The following HM13 variants were observed in gnomAD, a reference collection of about 807,000 sequenced individuals.
The protein encoded by HM13 is histocompatibility minor 13, also known as signal peptide peptidase.
Under a neutral mutation model 50.0 loss-of-function variants are expected in HM13, and 18 were observed. The ratio of observed to expected loss-of-function variants is 0.36; its 90% CI spans 0.25 to 0.53. HM13 has a LOEUF of 0.53. Among genes scored for constraint, HM13 ranks in the 20% least tolerant of loss-of-function variants. The probability of loss-of-function intolerance (pLI) is 0.90; values close to 1 mark genes in which losing one functional copy is unlikely to be tolerated. For missense variants in HM13, 393 were observed against 552.4 expected (o/e 0.71, Z 2.89); for synonymous variants, 197 against 232.6 (o/e 0.85, Z 1.39).
In HM13 at chr20:31,549,045, A is replaced by T. The variant is rs1568792894; in HGVS notation, c.471A>T (p.Glu157Asp). Residue 157 changes from glutamate to aspartate, a missense_variant, in exon 5 of 13, where the codon GAA (glutamate) becomes GAT (aspartate). Glu to Asp is a conservative substitution (Grantham distance 45). This residue lies in a region of HM13 where 214 missense variants were observed against 276.1 expected (regional missense o/e 0.77). Transcript: ENST00000398174. Reference sequence around the variant, plus strand: ...TCTGCTCAGAGATCATCAATTATGAATTTGACACCAAGGACCTGGTGTGCC... The same window carrying T: ...TCTGCTCAGAGATCATCAATTATGATTTTGACACCAAGGACCTGGTGTGCC... The part of the protein sequence containing the change: ...GENKEEIINY[E>D]FDTKDLVCLG... 1 of 1,614,068 alleles carries T rather than the reference A, an allele frequency of 6.2e-7. No individual in the cohort carries two copies. The highest frequency in any genetic ancestry group is 2.2e-5 in the East Asian group (1 of 44,878).
At chr20:31,566,622 A>G (rs1301632362) in intron 11 of HM13, among the ~76,000 whole-genome samples, 2 of 151,926 alleles carry the variant, frequency 1.3e-5, no homozygotes, top group South Asian at 2.1e-4. Context: ...CCCCCAGGTG[A>G]CTTCAGGCAT....
At chr20:31,540,551 T>A (rs987135342) in intron 3 of HM13, 2 of 152,202 alleles carry the variant, frequency 1.3e-5, no homozygotes, top group African/African-American at 4.8e-5. Flanking sequence ...GCAACAACCC[T>A]ACAATGAAGA....
intron 1 of HM13, among the ~76,000 whole-genome samples, chr20:31,522,081 G>C (rs1982198438): frequency 6.6e-6 from 1 of 152,070 alleles, no homozygotes; most frequent in South Asian, 2.1e-4. Flanking sequence ...ACCTTGGTTT[G>C]TCACTGAATA....
At chr20:31,531,087 C>T (rs1311209881) in intron 2 of HM13, among the ~76,000 whole-genome samples, 1 of 152,166 alleles carries the variant, frequency 6.6e-6, no homozygotes, top group Non-Finnish European at 1.5e-5. Context: ...CTCTGTTGCC[C>T]AGGCTGGAGT....
At chr20:31,543,309 G>A (rs965866956) in intron 3 of HM13, among the ~76,000 whole-genome samples, 12 of 151,718 alleles carry the variant, frequency 7.9e-5, no homozygotes, top group South Asian at 2.1e-4. Context: ...TTTTAGAGAC[G>A]GAGTCTCGCT....
chr20:31,548,631 C>G (rs1252716133), intron 4 of HM13: 1 of 268,424 alleles, frequency 3.7e-6, no homozygotes, highest in African/African-American at 2.2e-5. Context: ...TTACTTATTC[C>G]CCCACAGCAG....
At chr20:31,535,432 G>T (rs1983053883) in intron 2 of HM13, 1 of 152,226 alleles carries the variant, frequency 6.6e-6, no homozygotes, top group Non-Finnish European at 1.5e-5. Context: ...GGGCTTAGTT[G>T]TGGCTCTGGC....
At chr20:31,555,181 CCT>C (rs1354464103) in intron 8 of HM13, among the ~76,000 whole-genome samples, 1 of 152,186 alleles carries the variant, frequency 6.6e-6, no homozygotes, top group African/African-American at 2.4e-5. Flanking sequence ...AGACTGGACC[CCT>C]GTCACACACA....
intron 3 of HM13, chr20:31,539,349 G>T: frequency 1.0e-6 from 1 of 985,480 alleles, no homozygotes; most frequent in Non-Finnish European, 1.2e-6. Context: ...AGACCAAGAG[G>T]TGGCCAGGGT....
chr20:31,568,365 A>T, intron 12 of HM13, 141 bp downstream of exon 12: 4 of 1,212,974 alleles, frequency 3.3e-6, no homozygotes, highest in Non-Finnish European at 4.5e-6. Flanking sequence ...CACAACCACC[A>T]GGCAGTGGTT....
chr20:31,565,478 T>G (rs1984856243), intron 10 of HM13, among the ~76,000 whole-genome samples: 1 of 128,064 alleles, frequency 7.8e-6, no homozygotes, highest in African/African-American at 3.8e-5. Context: ...AGAGACTCTG[T>G]CTCAAAAAAA....
intron 4 of HM13, among the ~76,000 whole-genome samples, chr20:31,546,238 G>C (rs1158011733): frequency 1.3e-5 from 2 of 151,484 alleles, no homozygotes. Flanking sequence ...TTTTAGTAGA[G>C]ACGGGGTTTC....
At chr20:31,538,882 C>G (rs1568787830) in intron 3 of HM13, 1 of 208,978 alleles carries the variant, frequency 4.8e-6, no homozygotes, top group Non-Finnish European at 8.3e-6. Context: ...TAACTATTAG[C>G]TGTTACTGTC....
At chr20:31,549,457 C>A (rs1001344967) in intron 6 of HM13, 125 bp downstream of exon 6, 2 of 1,237,776 alleles carry the variant, frequency 1.6e-6, no homozygotes, top group Non-Finnish European at 2.3e-6. Flanking sequence ...AGTTCCGGAC[C>A]GCAGAGCAAG....
At chr20:31,526,741 G>C (rs1038132288) in intron 1 of HM13, among the ~76,000 whole-genome samples, 1 of 152,078 alleles carries the variant, frequency 6.6e-6, no homozygotes, top group Non-Finnish European at 1.5e-5. Flanking sequence ...CCTCACAGTT[G>C]GTGTCTCCCT....
intron 5 of HM13, 33 bp from the exon 6 acceptor site, chr20:31,549,174 C>T (rs1449122033): frequency 1.2e-6 from 2 of 1,614,070 alleles, no homozygotes; most frequent in African/African-American, 2.7e-5. Flanking sequence ...GGGTGGGTCA[C>T]AGCAAGCTGG....
intron 8 of HM13, among the ~76,000 whole-genome samples, chr20:31,555,945 G>C (rs1343531408): frequency 6.6e-6 from 1 of 152,004 alleles, no homozygotes; most frequent in East Asian, 1.9e-4. Flanking sequence ...ACTTCAGCTT[G>C]GGTGACAGAG....
intron 3 of HM13, among the ~76,000 whole-genome samples, chr20:31,543,391 T>C (rs1227976492): frequency 6.6e-6 from 1 of 152,126 alleles, no homozygotes; most frequent in East Asian, 2.0e-4. Context: ...GTTCAAGCAA[T>C]TCTCCTGCCT....
rs551826857 is a variant in HM13, at chr20:31,559,395, T to G, written c.809-216T>G. Among the ~76,000 whole-genome samples, 8 of 152,276 alleles carry G rather than the reference T, an allele frequency of 5.3e-5. No individual in the cohort carries two copies. In the East Asian group the frequency reaches 1.5e-3, roughly 29 times the overall value. ...ATGATGCGGTGAGGTGCTGGGTCATTGTAGTCCCAGGCCAAAGCAAAATCC... is the reference window on the plus strand; with the variant it reads ...ATGATGCGGTGAGGTGCTGGGTCATGGTAGTCCCAGGCCAAAGCAAAATCC... On this transcript the variant is annotated intron_variant, in intron 8 of 12. Transcript: ENST00000398174.
Sources: allele counts gnomAD v4.1 joint callset (sites outside exome capture counted in the v4.1 genomes callset), GRCh38; gene constraint gnomAD v4.1.1; regional missense constraint gnomAD v4.1.1; transcripts MANE v1.5; gene names NCBI Gene and HGNC (gene_info 2026-07-23, HGNC 2026-07-21).